Variants in TIMP2 observed in about 807,000 individuals in gnomAD.
The protein encoded by TIMP2 is TIMP metallopeptidase inhibitor 2.
In TIMP2, 5 loss-of-function variants were observed where a neutral mutation model predicts 24.3. The observed-to-expected ratio is 0.21, with a 90% CI of 0.11 to 0.43. TIMP2 has a LOEUF of 0.43. Ranked by LOEUF, TIMP2 falls within the 20% of genes least tolerant of loss-of-function variation. The probability of loss-of-function intolerance (pLI) is 1.00; values close to 1 mark genes in which losing one functional copy is unlikely to be tolerated. For missense variants in TIMP2, 221 were observed against 297.5 expected (o/e 0.74, Z 1.89); for synonymous variants, 130 against 123.2 (o/e 1.06, Z -0.37).
intron 1 of TIMP2, among the ~76,000 whole-genome samples, chr17:78,923,594 G>A (rs1448108124): frequency 6.6e-6 from 1 of 152,138 alleles, no homozygotes; most frequent in Non-Finnish European, 1.5e-5. Flanking sequence ...CCTCATCAAA[G>A]GAACCTCTCC....
At chr17:78,879,300 C>T (rs2069757408) in intron 1 of TIMP2, among the ~76,000 whole-genome samples, 1 of 152,148 alleles carries the variant, frequency 6.6e-6, no homozygotes, top group Non-Finnish European at 1.5e-5. Flanking sequence ...GGCAATGGTC[C>T]GCACTCTGAG....
At chr17:78,917,115 A>C (rs1404452933) in intron 1 of TIMP2, among the ~76,000 whole-genome samples, 1 of 151,984 alleles carries the variant, frequency 6.6e-6, no homozygotes, top group Non-Finnish European at 1.5e-5. Flanking sequence ...AGCCGGGCGT[A>C]GTGGCGGGCG....
intron 3 of TIMP2, among the ~76,000 whole-genome samples, chr17:78,867,563 C>T (rs1426841216): frequency 1.3e-5 from 2 of 151,816 alleles, no homozygotes; most frequent in Non-Finnish European, 2.9e-5. Context: ...GACCCTTGGA[C>T]CTGTGAGAGT....
At chr17:78,878,463 G>A (rs1300790063) in intron 1 of TIMP2, among the ~76,000 whole-genome samples, 7 of 152,178 alleles carry the variant, frequency 4.6e-5, no homozygotes, top group South Asian at 2.1e-4. Flanking sequence ...GAATTCTCCC[G>A]CTCCCGTGGG....
intron 1 of TIMP2, among the ~76,000 whole-genome samples, chr17:78,923,787 G>A (rs1032971411): frequency 6.6e-5 from 10 of 152,110 alleles, no homozygotes; most frequent in African/African-American, 1.2e-4. Flanking sequence ...AGCTGGGCAC[G>A]CAGCTCCTAG....
chr17:78,921,489 C>A (rs1326432673), intron 1 of TIMP2, among the ~76,000 whole-genome samples: 1 of 152,196 alleles, frequency 6.6e-6, no homozygotes, highest in Non-Finnish European at 1.5e-5. Flanking sequence ...GAAACGGGCC[C>A]AAGCAGCCCG....
intron 1 of TIMP2, among the ~76,000 whole-genome samples, chr17:78,913,840 C>T (rs1307660366): frequency 7.2e-6 from 1 of 139,196 alleles, no homozygotes; most frequent in East Asian, 2.1e-4. Context: ...TGCAGCGAAC[C>T]AAGATTGCAC....
intron 1 of TIMP2, among the ~76,000 whole-genome samples, chr17:78,878,733 G>A (rs1260946208): frequency 6.6e-6 from 1 of 151,912 alleles, no homozygotes; most frequent in African/African-American, 2.4e-5. Context: ...GTGGGGGTGA[G>A]GGGCAGGGAA....
Position 78,855,834 on chromosome 17 carries a change from T to A in TIMP2, c.496A>T (p.Ile166Phe). The A allele has an allele frequency of 1.2e-6, 2 of 1,613,866 alleles. No homozygotes were observed. Among genetic ancestry groups the A allele is most frequent in the Non-Finnish European group, 8.5e-7 (1 of 1,179,950 alleles). The change falls in exon 5 of 5, where the codon ATC (isoleucine) becomes TTC (phenylalanine). Residue 166 changes from isoleucine (I) to phenylalanine (F), a missense_variant. Physicochemically the swap from Ile to Phe is conservative, Grantham distance 21. Coordinates refer to ENST00000262768, the MANE Select transcript of TIMP2 (RefSeq NM_003255.5). This position sits in a 1 kb window ranked among gnomAD's most constrained non-coding sequence, Gnocchi z 6.0. ...ITRCPMIPCY[I>F]SSPDECLWMD... The stretch of plus-strand genomic sequence containing the variant: ...CAGAGGCACTCGTCCGGGGAGGAGA[T>A]GTAGCACGGGATCATGGGGCAGCGC...
Position 78,855,699 on chromosome 17 carries a change from T to TG in TIMP2, c.630dup (p.Lys211GlnfsTer44), listed in dbSNP as rs1411147300. ...TCCTCGATGTCGAGAAACTCCTGCT[T>TG]GGGGGGCGCCGCGCCGCGGTACCAC... On this transcript the variant is annotated frameshift_variant, in exon 5 of 5. Transcript: ENST00000262768. LOFTEE classifies it high-confidence loss of function. This position sits in a 1 kb window ranked among gnomAD's most constrained non-coding sequence, Gnocchi z 6.0. 3 of 1,613,724 alleles carry TG rather than the reference T, an allele frequency of 1.9e-6. No homozygotes were observed. The highest frequency in any genetic ancestry group is 2.5e-6 in the Non-Finnish European group (3 of 1,179,980).
intron 1 of TIMP2, among the ~76,000 whole-genome samples, chr17:78,918,080 A>ACACACACACGCG (rs1555652987): frequency 6.0e-5 from 9 of 150,732 alleles, no homozygotes; most frequent in African/African-American, 2.2e-4. Context: ...ACACACACAC[A>ACACACACACGCG]CACACACACA....
intron 1 of TIMP2, among the ~76,000 whole-genome samples, chr17:78,907,943 G>A (rs2070175782): frequency 6.6e-6 from 1 of 152,138 alleles, no homozygotes; most frequent in Admixed American, 6.6e-5. Flanking sequence ...AGACCGGCCT[G>A]AACAACATGG....
intron 1 of TIMP2, among the ~76,000 whole-genome samples, chr17:78,918,128 A>AC (rs2070279577): frequency 6.6e-6 from 1 of 151,058 alleles, no homozygotes; most frequent in South Asian, 2.1e-4. Context: ...CGGGCTTGTG[A>AC]CCACCCCCAA....
chr17:78,911,475 C>T (rs977865586), intron 1 of TIMP2, among the ~76,000 whole-genome samples: 1 of 152,000 alleles, frequency 6.6e-6, no homozygotes, highest in African/African-American at 2.4e-5. Flanking sequence ...CTGTCACCCA[C>T]GCTGGAGTGC....
chr17:78,865,011 G>A (rs1216482606), intron 3 of TIMP2, among the ~76,000 whole-genome samples: 1 of 152,094 alleles, frequency 6.6e-6, no homozygotes, highest in Non-Finnish European at 1.5e-5. Context: ...CCAAGATCGC[G>A]CCACTGCACT....
chr17:78,904,131 C>G (rs983058942), intron 1 of TIMP2: 1 of 56,724 alleles, frequency 1.8e-5, no homozygotes, highest in African/African-American at 1.0e-4. Context: ...GGGGTTTTAC[C>G]ATGTTGGCTA....
At chr17:78,886,369 C>A (rs2069825329) in intron 1 of TIMP2, among the ~76,000 whole-genome samples, 1 of 151,296 alleles carries the variant, frequency 6.6e-6, no homozygotes, top group African/African-American at 2.4e-5. Context: ...GGCAGGAAGA[C>A]CTCGGCTACT....
intron 1 of TIMP2, among the ~76,000 whole-genome samples, chr17:78,917,076 C>A (rs947761401): frequency 6.6e-6 from 1 of 152,154 alleles, no homozygotes; most frequent in Non-Finnish European, 1.5e-5. Flanking sequence ...CAGGGTGAAA[C>A]CCCGTCTCTA....
rs918883975 is a variant in TIMP2, at chr17:78,853,452, G to T, written c.*2215C>A. The T allele has an allele frequency of 6.6e-6, 1 of 152,174 alleles. No homozygotes were observed. Among genetic ancestry groups the T allele is most frequent in the Admixed American group, 6.6e-5 (1 of 15,252 alleles). 9.4% of individuals were successfully genotyped at this position (152,174 alleles called of 1,614,324 possible). On this transcript the variant is annotated 3_prime_UTR_variant, in exon 5 of 5. Transcript: ENST00000262768. ...CACCCGGCTCTTCTTAACCTGTTTT[G>T]TTTTCTGCTCAGCACGGTTAAAAGA...
Sources: gnomAD v4.1 joint callset for allele counts (sites outside exome capture counted in the v4.1 genomes callset) on GRCh38, gnomAD v4.1.1 for gene constraint, Gnocchi (gnomAD v3.1) non-coding constraint, MANE v1.5 for transcripts, NCBI Gene and HGNC (gene_info 2026-07-23, HGNC 2026-07-21) for gene names.